The following IP6K1 variants were observed in gnomAD, a reference collection of about 807,000 sequenced individuals.
IP6K1 encodes ATP:1D-myo-inositol-hexakisphosphate phosphotransferase.
Under a neutral mutation model 38.3 loss-of-function variants are expected in IP6K1, and 13 were observed. That is an observed-to-expected ratio of 0.34 (90% CI 0.22 to 0.54). IP6K1 has a LOEUF of 0.54. IP6K1 is among the 20% of genes least tolerant of loss of function. The pLI is 0.92. For synonymous variants in IP6K1, 212 were observed against 229.9 expected (o/e 0.92, Z 0.70); for missense variants, 397 against 599.8 (o/e 0.66, Z 3.53).
At chr3:49,759,255 C>T (rs2080849043) in intron 1 of IP6K1, among the ~76,000 whole-genome samples, 1 of 152,156 alleles carries the variant, frequency 6.6e-6, no homozygotes, top group Non-Finnish European at 1.5e-5. Flanking sequence ...GCTTATACTA[C>T]TCTGAAGATT....
At chr3:49,767,960 G>C (rs1247483618) in intron 1 of IP6K1, among the ~76,000 whole-genome samples, 2 of 150,814 alleles carry the variant, frequency 1.3e-5, no homozygotes, top group Non-Finnish European at 2.9e-5. Flanking sequence ...TATGCAAAAA[G>C]ATGCTCAACT....
intron 1 of IP6K1, chr3:49,758,719 T>C (rs1250126682): frequency 6.6e-6 from 1 of 152,188 alleles, no homozygotes; most frequent in South Asian, 2.1e-4. Flanking sequence ...TCCCAACACT[T>C]TGGGAGGTGA....
At chr3:49,732,687 G>C (rs938407714) in intron 4 of IP6K1, 104 bp downstream of exon 4, 1 of 874,204 alleles carries the variant, frequency 1.1e-6, no homozygotes, top group Non-Finnish European at 1.7e-6. Flanking sequence ...AGATTAAACC[G>C]AAGAGGGACC....
Position 49,725,042 on chromosome 3 carries a change from A to AT in IP6K1, c.*2079dup, listed in dbSNP as rs1488501781. 1.3e-5 allele frequency: 2 copies of AT among 152,672 alleles called. No individual in the cohort carries two copies. The highest frequency in any genetic ancestry group is 2.9e-5 in the Non-Finnish European group (2 of 68,072). 9.5% of individuals were successfully genotyped at this position (152,672 alleles called of 1,614,324 possible). A position where few individuals can be genotyped will look rare whatever the true frequency, so the allele number is the denominator to read the frequency against. On this transcript the variant is annotated 3_prime_UTR_variant, in exon 6 of 6. Coordinates refer to ENST00000321599, the MANE Select transcript of IP6K1 (RefSeq NM_153273.4). Reference sequence around the variant, plus strand: ...TATGCACACACACTTGCCCACTACCATTAAATAACAGGGCTGGGTCTCCAG... The same window carrying AT: ...TATGCACACACACTTGCCCACTACCATTTAAATAACAGGGCTGGGTCTCCAG...
chr3:49,760,459 A>C (rs1187112362), intron 1 of IP6K1, among the ~76,000 whole-genome samples: 1 of 152,016 alleles, frequency 6.6e-6, no homozygotes. Context: ...CCCCGTCTTT[A>C]CTAAAAATAC....
chr3:49,774,018 C>CAA (rs761685716), intron 1 of IP6K1, among the ~76,000 whole-genome samples: 1 of 102,998 alleles, frequency 9.7e-6, no homozygotes, highest in African/African-American at 3.5e-5. Context: ...CACACACACA[C>CAA]AACACACACA....
intron 4 of IP6K1, among the ~76,000 whole-genome samples, chr3:49,729,254 C>T (rs1479363633): frequency 6.6e-6 from 1 of 152,096 alleles, no homozygotes; most frequent in Admixed American, 6.5e-5. Context: ...ATTCAAGATT[C>T]ATTTATGTTG....
At chr3:49,731,907 G>GAAAAAAAAA (rs1277207284) in intron 4 of IP6K1, among the ~76,000 whole-genome samples, 2 of 69,038 alleles carry the variant, frequency 2.9e-5, no homozygotes, top group Non-Finnish European at 6.3e-5. Context: ...AAAAAAAAAG[G>GAAAAAAAAA]AATTCCTATG....
Position 49,727,234 on chromosome 3 carries a change from A to C in IP6K1, c.1214T>G (p.Phe405Cys). The C allele has an allele frequency of 6.2e-7, 1 of 1,614,128 alleles. No individual in the cohort carries two copies. Among genetic ancestry groups the C allele is most frequent in the Non-Finnish European group, 8.5e-7 (1 of 1,180,026 alleles). ...GGTGGGGTCATCCCGGAAGCCCTTG[A>C]ATGTGCTGTGTGCAAAGTCAATCAT... The part of the protein sequence containing the change: ...VRMIDFAHST[F>C]KGFRDDPTVH... Residue 405 changes from phenylalanine (F) to cysteine (C), a missense_variant, in exon 6 of 6, where the codon TTC becomes TGC. Phe to Cys is a radical substitution (Grantham distance 205). This residue lies in a region of IP6K1 where 164 missense variants were observed against 213.5 expected (regional missense o/e 0.77). Transcript: ENST00000321599. The surrounding 1 kb of genome is among the most constrained non-coding windows in gnomAD (Gnocchi z 5.9).
chr3:49,743,722 T>C (rs2080695042), intron 2 of IP6K1, among the ~76,000 whole-genome samples: 1 of 150,114 alleles, frequency 6.7e-6, no homozygotes, highest in African/African-American at 2.5e-5. Flanking sequence ...CGGGTTCAAG[T>C]GATTCTTCTG....
intron 1 of IP6K1, among the ~76,000 whole-genome samples, chr3:49,756,136 G>A (rs1424533833): frequency 6.6e-6 from 1 of 152,206 alleles, no homozygotes; most frequent in Non-Finnish European, 1.5e-5. Flanking sequence ...CTAAAGAAGA[G>A]ATGAAAGATT....
chr3:49,754,072 T>C lies in IP6K1; in HGVS notation c.-128-5904A>G, dbSNP rs576567517. Among the ~76,000 whole-genome samples, 109 of 152,136 alleles carry C rather than the reference T, an allele frequency of 7.2e-4. 2 individuals are homozygous for C. The highest frequency in any genetic ancestry group is 2.6e-3 in the African/African-American group (106 of 41,512). ...GCAAACACATAAATAATCTCAACTA[T>C]AAAAGATTAATCAGGCCAGCTGTGG... On this transcript the variant is annotated intron_variant, in intron 1 of 5. Coordinates refer to ENST00000321599, the MANE Select transcript of IP6K1 (RefSeq NM_153273.4).
At chr3:49,776,519 T>A (rs1457813481) in intron 1 of IP6K1, among the ~76,000 whole-genome samples, 2 of 142,716 alleles carry the variant, frequency 1.4e-5, no homozygotes, top group East Asian at 2.0e-4. Context: ...TCAGTCTCAG[T>A]AAAAAAAAAA....
chr3:49,728,082 C>A, intron 5 of IP6K1, 21 bp downstream of exon 5: 1 of 1,604,722 alleles, frequency 6.2e-7, no homozygotes, highest in Non-Finnish European at 8.5e-7. Context: ...AGCACCTAGG[C>A]TCTGAGCAGA....
At chr3:49,728,355 TAAAAGGG>T in intron 4 of IP6K1, 77 bp from the exon 5 acceptor site, 2 of 1,449,682 alleles carry the variant, frequency 1.4e-6, no homozygotes, top group Non-Finnish European at 1.9e-6. Context: ...AGTTTTTCTA[TAAAAGGG>T]GGCTTTTACC....
At chr3:49,765,981 C>A (rs533819295) in intron 1 of IP6K1, among the ~76,000 whole-genome samples, 2 of 151,780 alleles carry the variant, frequency 1.3e-5, no homozygotes, top group Non-Finnish European at 1.5e-5. Context: ...TCAAGACCAT[C>A]CTGGCTAACA....
intron 3 of IP6K1, among the ~76,000 whole-genome samples, chr3:49,736,764 GATTTA>G (rs1328896441): frequency 7.5e-6 from 1 of 132,728 alleles, no homozygotes; most frequent in African/African-American, 2.7e-5. Context: ...TTAACTTTTG[GATTTA>G]ATTTTTTTTT....
chr3:49,745,460 C>T (rs1343231954), intron 2 of IP6K1, among the ~76,000 whole-genome samples: 2 of 152,194 alleles, frequency 1.3e-5, no homozygotes, highest in Admixed American at 1.3e-4. Flanking sequence ...TGGTGGCTCA[C>T]ACCTATAATC....
chr3:49,730,543 T>C (rs1401843536), intron 4 of IP6K1, among the ~76,000 whole-genome samples: 1 of 152,150 alleles, frequency 6.6e-6, no homozygotes, highest in African/African-American at 2.4e-5. Context: ...AAGCTGGATT[T>C]ACATTTCTTT....
Sources: allele counts gnomAD v4.1 joint callset (sites outside exome capture counted in the v4.1 genomes callset), GRCh38; gene constraint gnomAD v4.1.1; regional missense constraint gnomAD v4.1.1; non-coding constraint Gnocchi (gnomAD v3.1); transcripts MANE v1.5; gene names NCBI Gene and HGNC (gene_info 2026-07-23, HGNC 2026-07-21).